The following PCDH9 variants were observed in gnomAD, a reference collection of about 807,000 sequenced individuals.
PCDH9 encodes protocadherin-9.
Under a neutral mutation model 70.6 loss-of-function variants are expected in PCDH9, and 24 were observed. The observed-to-expected ratio is 0.34, with a 90% CI of 0.25 to 0.48. The LOEUF is 0.48. Ranked by LOEUF, PCDH9 falls within the 20% of genes least tolerant of loss-of-function variation. PCDH9 has a pLI of 0.99. For synonymous variants in PCDH9, 562 were observed against 558.5 expected (o/e 1.01, Z -0.09); for missense variants, 1,281 against 1,503.6 (o/e 0.85, Z 2.45).
At chr13:66,773,396 G>A (rs749342335) in intron 3 of PCDH9, among the ~76,000 whole-genome samples, 54 of 151,976 alleles carry the variant, frequency 3.6e-4, no homozygotes, top group Non-Finnish European at 6.9e-4. Flanking sequence ...TGGGAGGCCG[G>A]GGCGGGTGGA....
intron 2 of PCDH9, among the ~76,000 whole-genome samples, chr13:67,027,689 C>T (rs1367316054): frequency 3.3e-5 from 5 of 150,078 alleles, no homozygotes; most frequent in Non-Finnish European, 7.4e-5. Flanking sequence ...GGCTAATATC[C>T]AGAATCTACA....
intron 3 of PCDH9, among the ~76,000 whole-genome samples, chr13:66,900,341 A>G (rs2082256755): frequency 1.3e-5 from 2 of 151,904 alleles, no homozygotes; most frequent in Non-Finnish European, 2.9e-5. Flanking sequence ...AATAAGCTAT[A>G]TTCCAACAAT....
intron 3 of PCDH9, among the ~76,000 whole-genome samples, chr13:66,728,818 C>T (rs942505087): frequency 6.6e-6 from 1 of 151,870 alleles, no homozygotes; most frequent in Non-Finnish European, 1.5e-5. Flanking sequence ...TCCTTGATAC[C>T]ACCTTATACC....
chr13:66,397,972 T>G (rs1957131784), intron 4 of PCDH9, among the ~76,000 whole-genome samples: 1 of 152,034 alleles, frequency 6.6e-6, no homozygotes, highest in African/African-American at 2.4e-5. Flanking sequence ...AAATTAATAA[T>G]GCCAATAGAT....
intron 2 of PCDH9, among the ~76,000 whole-genome samples, chr13:67,098,696 T>C (rs551476871): frequency 3.4e-4 from 51 of 152,114 alleles, no homozygotes; most frequent in Admixed American, 3.3e-4. Context: ...GTTAAAAATA[T>C]CATTGCTTGG....
intron 3 of PCDH9, among the ~76,000 whole-genome samples, chr13:66,765,518 G>A (rs577379476): frequency 2.1e-4 from 32 of 151,958 alleles, no homozygotes; most frequent in Admixed American, 1.4e-3. Flanking sequence ...TGTCTAATAC[G>A]AGATAAATGG....
chr13:66,571,169 A>C (rs1355503587), intron 4 of PCDH9, among the ~76,000 whole-genome samples: 1 of 152,052 alleles, frequency 6.6e-6, no homozygotes, highest in Non-Finnish European at 1.5e-5. Context: ...CTATGAGAGA[A>C]TATTTATTGT....
At chr13:66,819,895 C>CA (rs549958953) in intron 3 of PCDH9, among the ~76,000 whole-genome samples, 2 of 151,990 alleles carry the variant, frequency 1.3e-5, no homozygotes, top group South Asian at 4.2e-4. Flanking sequence ...GACTCTCTTT[C>CA]AAAAATAAAT....
intron 2 of PCDH9, among the ~76,000 whole-genome samples, chr13:66,932,681 T>TATATATATATATATATATATAGATACAC (rs1313632174): frequency 2.6e-5 from 3 of 114,822 alleles, no homozygotes; most frequent in African/African-American, 1.0e-4. Flanking sequence ...TATATATATA[T>TATATATATATATATATATATAGATACAC]ACACACACAC....
At chr13:66,929,952 C>CA (rs1555287469) in intron 2 of PCDH9, among the ~76,000 whole-genome samples, 1 of 152,114 alleles carries the variant, frequency 6.6e-6, no homozygotes, top group Non-Finnish European at 1.5e-5. Context: ...AAATCAGGCT[C>CA]ATATTCTCAT....
intron 2 of PCDH9, among the ~76,000 whole-genome samples, chr13:66,983,344 G>C (rs1004302650): frequency 6.6e-6 from 1 of 151,872 alleles, no homozygotes; most frequent in Non-Finnish European, 1.5e-5. Flanking sequence ...GAAATTTGCC[G>C]ATTACTTACA....
chr13:66,468,361 C>T (rs146670085), intron 4 of PCDH9, among the ~76,000 whole-genome samples: 8 of 152,174 alleles, frequency 5.3e-5, no homozygotes, highest in African/African-American at 1.7e-4. Flanking sequence ...TCATCTCAGA[C>T]CCTTCTCCAA....
At chr13:66,562,743 T>A (rs1224968409) in intron 4 of PCDH9, among the ~76,000 whole-genome samples, 1 of 152,122 alleles carries the variant, frequency 6.6e-6, no homozygotes, top group African/African-American at 2.4e-5. Context: ...ATGGTATCAA[T>A]GCCTGAGTGG....
At chr13:66,607,030 T>A (rs1593768067) in intron 4 of PCDH9, among the ~76,000 whole-genome samples, 1 of 152,144 alleles carries the variant, frequency 6.6e-6, no homozygotes, top group East Asian at 1.9e-4. Flanking sequence ...TTCAAAATAG[T>A]CCAAAATTGA....
Position 67,225,511 on chromosome 13 carries a change from C to T in PCDH9, c.2930G>A (p.Cys977Tyr). The stretch of plus-strand genomic sequence containing the variant: ...GGAAGAGCGTTTAGAAAGGGTGTCA[C>T]AACCCCCAACAAAGGTGTTGTCCAA... ...LPLDNTFVGG[C>Y]DTLSKRSSTS... The change falls in exon 2 of 5, where the codon TGT becomes TAT. Residue 977 changes from cysteine (C) to tyrosine (Y), a missense_variant. By Grantham distance (194) the Cys-to-Tyr change is radical. This residue lies in a region of PCDH9 where 207 missense variants were observed against 191.8 expected (regional missense o/e 1.08). Transcript: ENST00000377865. 6.2e-7 allele frequency: 1 copy of T among 1,614,082 alleles called. No individual in the cohort carries two copies. Among genetic ancestry groups the T allele is most frequent in the Admixed American group, 1.7e-5 (1 of 60,026 alleles).
chr13:67,115,163 G>T (rs1180465750), intron 2 of PCDH9, among the ~76,000 whole-genome samples: 1 of 152,198 alleles, frequency 6.6e-6, no homozygotes, highest in African/African-American at 2.4e-5. Flanking sequence ...ATGATATTCT[G>T]TAATCATAAG....
chr13:66,727,665 C>G (rs1035855780), intron 3 of PCDH9, among the ~76,000 whole-genome samples: 1 of 152,068 alleles, frequency 6.6e-6, no homozygotes, highest in African/African-American at 2.4e-5. Flanking sequence ...GATATAGACA[C>G]AGAGGCACAC....
chr13:66,478,427 A>G (rs1285069863), intron 4 of PCDH9, among the ~76,000 whole-genome samples: 2 of 152,220 alleles, frequency 1.3e-5, no homozygotes, highest in Admixed American at 1.3e-4. Flanking sequence ...GTGCTTACTG[A>G]CAAAAGGCAT....
chr13:67,075,229 A>G (rs933050268), intron 2 of PCDH9, among the ~76,000 whole-genome samples: 2 of 152,154 alleles, frequency 1.3e-5, no homozygotes, highest in African/African-American at 4.8e-5. Flanking sequence ...CTCCAAACGT[A>G]GCCCACATAA....
Sources: allele counts gnomAD v4.1 joint callset (sites outside exome capture counted in the v4.1 genomes callset), GRCh38; gene constraint gnomAD v4.1.1; regional missense constraint gnomAD v4.1.1; transcripts MANE v1.5; gene names NCBI Gene and HGNC (gene_info 2026-07-23, HGNC 2026-07-21).